Variants in CEMIP observed in about 807,000 individuals in gnomAD.
The protein encoded by CEMIP is cell migration inducing hyaluronidase 1.
A neutral mutation model predicts 156.9 loss-of-function variants in CEMIP; 105 were observed. The observed-to-expected ratio is 0.67, with a 90% CI of 0.57 to 0.79. The LOEUF (loss-of-function observed/expected upper bound fraction) is 0.79, where lower values mean the gene tolerates loss of function less well. CEMIP is among the 30% of genes least tolerant of loss of function. The pLI is 0.00. For missense variants in CEMIP, 1,457 were observed against 1,769.4 expected (o/e 0.82, Z 3.17); for synonymous variants, 676 against 668.4 (o/e 1.01, Z -0.17).
At chr15:80,820,067 G>A (rs1435391726) in intron 1 of CEMIP, among the ~76,000 whole-genome samples, 1 of 152,212 alleles carries the variant, frequency 6.6e-6, no homozygotes, top group Non-Finnish European at 1.5e-5. Flanking sequence ...TTGATTCTCG[G>A]CTAAGGTCAC....
At chr15:80,943,245 G>A in intron 28 of CEMIP, 143 bp downstream of exon 28, 2 of 930,064 alleles carry the variant, frequency 2.2e-6, no homozygotes, top group South Asian at 1.3e-5. Flanking sequence ...ACAAATCATG[G>A]GTGTTGGACA....
At position 80,935,205 on chromosome 15, in the gene CEMIP, TAAG is replaced by T. The variant is rs548067575; in HGVS notation, c.3010-1465_3010-1463del. ...GGTTGATATGATGATGTGAGGAAGA[TAAG>T]AAGGGAAGTGGGGTCAGAAGGGAGC... On this transcript the variant is annotated intron_variant, in intron 23 of 29. Coordinates refer to ENST00000394685, the MANE Select transcript of CEMIP (RefSeq NM_001293298.2). Among the ~76,000 whole-genome samples, 193 of 152,052 alleles carry T rather than the reference TAAG, an allele frequency of 1.3e-3. 1 individual carries two copies. The highest frequency in any genetic ancestry group is 4.4e-3 in the African/African-American group (183 of 41,468).
intron 1 of CEMIP, among the ~76,000 whole-genome samples, chr15:80,790,839 C>A (rs576591007): frequency 6.6e-6 from 1 of 152,160 alleles, no homozygotes; most frequent in Non-Finnish European, 1.5e-5. Flanking sequence ...GAGATGACTC[C>A]GTTGCATTTC....
chr15:80,900,648 G>GTGTGTGTGTGTAT (rs1567090991), intron 12 of CEMIP, among the ~76,000 whole-genome samples: 34 of 111,918 alleles, frequency 3.0e-4, no homozygotes, highest in African/African-American at 8.9e-4. Flanking sequence ...GTGTGTGTGT[G>GTGTGTGTGTGTAT]TCTGTGTGTG....
chr15:80,887,701 T>G lies in CEMIP; in HGVS notation c.805T>G (p.Trp269Gly). Residue 269 changes from tryptophan to glycine, a missense_variant, in exon 8 of 30, where the codon TGG (tryptophan) becomes GGG (glycine). By Grantham distance (184) the Trp-to-Gly change is radical (BLOSUM62 -2). This residue lies in a region of CEMIP where 309 missense variants were observed against 340.8 expected (regional missense o/e 0.91). Coordinates refer to ENST00000394685, the MANE Select transcript of CEMIP (RefSeq NM_001293298.2). ...HFLHLGFRHP[W>G]SFLTVKGNPS... Reference sequence around the variant, plus strand: ...TGTTTTTCTTTTTTTCAGACACCCTTGGAGTTTTCTAACTGTGAAAGGAAA... The same window carrying G: ...TGTTTTTCTTTTTTTCAGACACCCTGGGAGTTTTCTAACTGTGAAAGGAAA... 6.2e-7 allele frequency: 1 copy of G among 1,612,110 alleles called. No individual in the cohort carries two copies. Among genetic ancestry groups the G allele is most frequent in the Non-Finnish European group, 8.5e-7 (1 of 1,179,452 alleles).
chr15:80,942,387 A>C (rs747875444), intron 27 of CEMIP, 50 bp downstream of exon 27: 13 of 1,481,124 alleles, frequency 8.8e-6, no homozygotes, highest in Non-Finnish European at 1.2e-5. Context: ...TTGAGAGGTG[A>C]TACTGTGTCC....
intron 1 of CEMIP, among the ~76,000 whole-genome samples, chr15:80,793,651 GT>G (rs1896141094): frequency 1.3e-5 from 2 of 152,180 alleles, no homozygotes; most frequent in Non-Finnish European, 2.9e-5. Context: ...GATAAACAAA[GT>G]TGACCTGTTT....
At chr15:80,785,487 C>T (rs1276406848) in intron 1 of CEMIP, among the ~76,000 whole-genome samples, 1 of 152,158 alleles carries the variant, frequency 6.6e-6, no homozygotes, top group Non-Finnish European at 1.5e-5. Flanking sequence ...TTTTGATCAT[C>T]TTCTATGAGG....
rs866912351 is a variant in CEMIP at position 80,908,098 on chromosome 15, C to T, written c.1588-999C>T. On this transcript the variant is annotated intron_variant, in intron 13 of 29. Coordinates refer to ENST00000394685, the MANE Select transcript of CEMIP (RefSeq NM_001293298.2). ...CCCCAGTTATTATCACCACCAAAAACGCTTTATATATCCAGTCATCTCCTG... is the reference window on the plus strand; with the variant it reads ...CCCCAGTTATTATCACCACCAAAAATGCTTTATATATCCAGTCATCTCCTG... Among the ~76,000 whole-genome samples, 14 of 152,284 alleles carry T rather than the reference C, an allele frequency of 9.2e-5. No individual in the cohort carries two copies. The South Asian group carries it at 1.0e-3, about 11-fold the overall frequency.
chr15:80,829,963 C>CA, intron 1 of CEMIP, among the ~76,000 whole-genome samples: 1 of 84,598 alleles, frequency 1.2e-5, no homozygotes, highest in South Asian at 5.1e-4. Context: ...AGGGAGGTAG[C>CA]GGGTGTGTGT....
At chr15:80,868,491 T>A (rs1898190008) in intron 1 of CEMIP, among the ~76,000 whole-genome samples, 1 of 152,202 alleles carries the variant, frequency 6.6e-6, no homozygotes, top group Admixed American at 6.5e-5. Context: ...CGAATCAGAA[T>A]CTGCATTTCT....
intron 1 of CEMIP, among the ~76,000 whole-genome samples, chr15:80,844,147 C>T (rs529371156): frequency 8.5e-5 from 13 of 152,364 alleles, no homozygotes; most frequent in South Asian, 8.3e-4. Flanking sequence ...CACACAGCCC[C>T]GGGCCAACCT....
At chr15:80,832,328 G>C (rs1023768548) in intron 1 of CEMIP, among the ~76,000 whole-genome samples, 127 of 144,500 alleles carry the variant, frequency 8.8e-4, no homozygotes, top group Admixed American at 4.3e-3. Context: ...AACTCTGTGT[G>C]TGTGTGTGTG....
At chr15:80,781,431 G>T (rs1596083683) in intron 1 of CEMIP, among the ~76,000 whole-genome samples, 1 of 152,074 alleles carries the variant, frequency 6.6e-6, no homozygotes, top group Non-Finnish European at 1.5e-5. Context: ...TTTTCAAGTT[G>T]GTCACTTGAA....
chr15:80,802,495 C>A (rs1208225736), intron 1 of CEMIP, among the ~76,000 whole-genome samples: 1 of 152,226 alleles, frequency 6.6e-6, no homozygotes, highest in African/African-American at 2.4e-5. Context: ...TGCCCACACA[C>A]CCGGATGTTG....
Position 80,936,664 on chromosome 15 carries a change from G to T in CEMIP, c.3010-10G>T, listed in dbSNP as rs370271241. ...GCCTCATTGTGTGTTTCCTTTTTGGGTTTTAAAAGATGTACATTCAAGCCT... is the reference window on the plus strand; with the variant it reads ...GCCTCATTGTGTGTTTCCTTTTTGGTTTTTAAAAGATGTACATTCAAGCCT... On this transcript the variant is annotated splice_polypyrimidine_tract_variant and intron_variant, in intron 23 of 29. Transcript: ENST00000394685. 6.2e-7 allele frequency: 1 copy of T among 1,611,346 alleles called. No homozygotes were observed. The highest frequency in any genetic ancestry group is 1.7e-5 in the Admixed American group (1 of 60,016).
At chr15:80,836,602 T>A (rs1455514190) in intron 1 of CEMIP, among the ~76,000 whole-genome samples, 2 of 152,248 alleles carry the variant, frequency 1.3e-5, no homozygotes, top group Non-Finnish European at 2.9e-5. Context: ...TGAGTTCTTT[T>A]GTTTTTCCTT....
intron 14 of CEMIP, among the ~76,000 whole-genome samples, chr15:80,917,034 C>T (rs145385454): frequency 3.6e-4 from 55 of 152,286 alleles, no homozygotes; most frequent in African/African-American, 1.1e-3. Flanking sequence ...TCTAAGTCTG[C>T]GTCACTTATA....
At chr15:80,845,003 T>C (rs772085659) in intron 1 of CEMIP, among the ~76,000 whole-genome samples, 2 of 152,238 alleles carry the variant, frequency 1.3e-5, no homozygotes, top group Non-Finnish European at 2.9e-5. Context: ...ATGAATGATT[T>C]GTAAAACGAT....
Sources: allele counts gnomAD v4.1 joint callset (sites outside exome capture counted in the v4.1 genomes callset), GRCh38; gene constraint gnomAD v4.1.1; regional missense constraint gnomAD v4.1.1; transcripts MANE v1.5; gene names NCBI Gene and HGNC (gene_info 2026-07-23, HGNC 2026-07-21).